Variants in ADGRB3 observed in about 807,000 individuals in gnomAD.
ADGRB3 encodes the protein adhesion G protein-coupled receptor B3.
In ADGRB3, 37 loss-of-function variants were observed where a neutral mutation model predicts 193.4. That is an observed-to-expected ratio of 0.19 (90% CI 0.15 to 0.25). ADGRB3 has a LOEUF of 0.25. ADGRB3 is among the 10% of genes least tolerant of loss of function. The pLI is 1.00. For synonymous variants in ADGRB3, 690 were observed against 644.2 expected (o/e 1.07, Z -1.08); for missense variants, 1,637 against 1,852.9 (o/e 0.88, Z 2.14).
chr6:69,108,193 A>G (rs1392048145), intron 17 of ADGRB3, among the ~76,000 whole-genome samples: 1 of 121,462 alleles, frequency 8.2e-6, no homozygotes, highest in Non-Finnish European at 1.8e-5. Flanking sequence ...AAATTTGGCC[A>G]CGAGACTTCT....
At chr6:69,076,084 A>T in intron 17 of ADGRB3, 46 bp downstream of exon 17, 6 of 1,553,418 alleles carry the variant, frequency 3.9e-6, no homozygotes, top group Non-Finnish European at 5.3e-6. Context: ...TAAATTTTCA[A>T]AGCACATTAA....
At chr6:69,159,394 G>A (rs1416478904) in intron 17 of ADGRB3, among the ~76,000 whole-genome samples, 1 of 151,764 alleles carries the variant, frequency 6.6e-6, no homozygotes, top group African/African-American at 2.4e-5. Flanking sequence ...TCAAGTATTA[G>A]TAGAATTGAT....
chr6:68,703,438 T>A (rs1464984235), intron 3 of ADGRB3, among the ~76,000 whole-genome samples: 1 of 152,150 alleles, frequency 6.6e-6, no homozygotes, highest in African/African-American at 2.4e-5. Context: ...GACTTGAATT[T>A]AACTATATAT....
intron 17 of ADGRB3, among the ~76,000 whole-genome samples, chr6:69,167,315 T>C (rs577420695): frequency 7.9e-5 from 12 of 152,274 alleles, no homozygotes; most frequent in African/African-American, 2.2e-4. Flanking sequence ...GTATTATATA[T>C]GGTAGAAAGT....
intron 17 of ADGRB3, among the ~76,000 whole-genome samples, chr6:69,158,657 G>A (rs1051566099): frequency 6.6e-6 from 1 of 151,940 alleles, no homozygotes; most frequent in Non-Finnish European, 1.5e-5. Flanking sequence ...TATTGGGGAG[G>A]ATGCCCTCAT....
In ADGRB3 at chr6:69,322,410, G is replaced by A. The variant is rs1031419363; in HGVS notation, c.2815-2462G>A. 2.6e-5 allele frequency among the ~76,000 whole-genome samples: 4 copies of A among 151,730 alleles called. No homozygotes were observed. In the South Asian group the frequency reaches 8.3e-4, roughly 31 times the overall value. On this transcript the variant is annotated intron_variant, in intron 20 of 31. Transcript: ENST00000370598. ...GGTCAAGTGATATTTCTGTCTTTAG[G>A]TCTCTGAGGAATCGCCACACTGTCT...
chr6:68,783,066 T>A lies in ADGRB3; in HGVS notation c.757+143634T>A, dbSNP rs574387238. On this transcript the variant is annotated intron_variant, in intron 3 of 31. Coordinates refer to ENST00000370598, the MANE Select transcript of ADGRB3 (RefSeq NM_001704.3). Reference sequence around the variant, plus strand: ...TAGATTTACTACCAGCTAATATTTATGGAGTAATAATTATATGGCAGGAAC... The same window carrying A: ...TAGATTTACTACCAGCTAATATTTAAGGAGTAATAATTATATGGCAGGAAC... Among the ~76,000 whole-genome samples the A allele has an allele frequency of 1.9e-3, 214 of 110,532 alleles. 3 individuals are homozygous for A. The highest frequency in any genetic ancestry group is 6.0e-3 in the African/African-American group (209 of 34,606). The allele number at this position is 110,532 out of a possible 152,430, so 72.5% of individuals were successfully genotyped here.
At chr6:69,280,527 A>G (rs1178213817) in intron 20 of ADGRB3, among the ~76,000 whole-genome samples, 1 of 152,188 alleles carries the variant, frequency 6.6e-6, no homozygotes, top group Non-Finnish European at 1.5e-5. Flanking sequence ...TTATACATAT[A>G]AAGGGAATAA....
chr6:68,955,966 T>C (rs1768058993), intron 6 of ADGRB3, 58 bp from the exon 7 acceptor site: 3 of 1,565,640 alleles, frequency 1.9e-6, no homozygotes, highest in Admixed American at 1.8e-5. Flanking sequence ...AGGTACTTTC[T>C]GTACAGCTTG....
chr6:69,069,258 C>T (rs1022918133), intron 16 of ADGRB3, among the ~76,000 whole-genome samples: 2 of 151,934 alleles, frequency 1.3e-5, no homozygotes, highest in Admixed American at 6.6e-5. Flanking sequence ...TGCCTCATCC[C>T]CTTGCATGGT....
chr6:68,784,402 T>C (rs1428509078), intron 3 of ADGRB3, among the ~76,000 whole-genome samples: 1 of 152,142 alleles, frequency 6.6e-6, no homozygotes, highest in Non-Finnish European at 1.5e-5. Flanking sequence ...TCTCATTGTT[T>C]TGTCACAATT....
chr6:69,283,607 C>A (rs1315698745), intron 20 of ADGRB3, among the ~76,000 whole-genome samples: 1 of 151,452 alleles, frequency 6.6e-6, no homozygotes, highest in East Asian at 1.9e-4. Context: ...GTTTTTTCCT[C>A]TCATGAAAAA....
At chr6:69,356,004 C>T in intron 28 of ADGRB3, 144 bp downstream of exon 28, 1 of 611,562 alleles carries the variant, frequency 1.6e-6, no homozygotes, top group Non-Finnish European at 2.7e-6. Context: ...CCCCAAATGC[C>T]AAAGGAGCTG....
intron 3 of ADGRB3, among the ~76,000 whole-genome samples, chr6:68,681,691 T>C (rs1008782432): frequency 1.3e-5 from 2 of 151,804 alleles, no homozygotes; most frequent in Non-Finnish European, 2.9e-5. Flanking sequence ...GACAAGTCTC[T>C]ACACAAGCAA....
At chr6:69,045,585 A>G (rs548854256) in intron 13 of ADGRB3, among the ~76,000 whole-genome samples, 7 of 152,124 alleles carry the variant, frequency 4.6e-5, no homozygotes, top group Non-Finnish European at 1.0e-4. Flanking sequence ...CTATACCACA[A>G]TGTATACATA....
At chr6:68,899,900 T>C (rs1037521513) in intron 3 of ADGRB3, among the ~76,000 whole-genome samples, 1 of 152,044 alleles carries the variant, frequency 6.6e-6, no homozygotes, top group African/African-American at 2.4e-5. Context: ...CATAAAGAAC[T>C]CTAATGAATT....
At position 69,037,645 on chromosome 6, in the gene ADGRB3, T is replaced by TTC. The variant is rs377348716; in HGVS notation, c.2108-10520_2108-10519dup. ...TTTCTAAGTTAATGTGGTGTTGTTG[T>TTC]TCTCTCTCTCTCTCTCTCTCTGCCT... is the stretch of plus-strand genomic sequence containing the variant. On this transcript the variant is annotated intron_variant, in intron 13 of 31. Transcript: ENST00000370598. Among the ~76,000 whole-genome samples, 349 of 149,586 alleles carry TTC rather than the reference T, an allele frequency of 2.3e-3. 1 individual carries two copies. Among genetic ancestry groups the TTC allele is most frequent in the African/African-American group, 7.0e-3 (288 of 40,990 alleles).
chr6:68,653,957 A>T (rs1308745201), intron 3 of ADGRB3, among the ~76,000 whole-genome samples: 2 of 151,014 alleles, frequency 1.3e-5, no homozygotes, highest in African/African-American at 4.9e-5. Flanking sequence ...TTTTTGATAC[A>T]TAGGCTATAA....
intron 17 of ADGRB3, among the ~76,000 whole-genome samples, chr6:69,152,698 T>A (rs1774713415): frequency 6.6e-6 from 1 of 152,238 alleles, no homozygotes; most frequent in Admixed American, 6.5e-5. Context: ...ATATAAAAGT[T>A]GATCCATCAC....
Sources: gnomAD v4.1 joint callset for allele counts (sites outside exome capture counted in the v4.1 genomes callset) on GRCh38, gnomAD v4.1.1 for gene constraint, MANE v1.5 for transcripts, NCBI Gene and HGNC (gene_info 2026-07-23, HGNC 2026-07-21) for gene names.